The following ACOX3 variants were observed in gnomAD, a reference collection of about 807,000 sequenced individuals.
ACOX3 encodes the protein acyl-CoA oxidase 3, pristanoyl, also known as peroxisomal acyl-coenzyme A oxidase 3.
ACOX3 carries 73 observed loss-of-function variants against 81.5 expected under a neutral mutation model. The observed-to-expected ratio is 0.90, with a 90% confidence interval of 0.74 to 1.09. The LOEUF is 1.09. Among genes scored for constraint, ACOX3 ranks in the 50% least tolerant of loss-of-function variants. The pLI is 0.00. For missense variants in ACOX3, 947 were observed against 928.0 expected (o/e 1.02, Z -0.27); for synonymous variants, 387 against 375.1 (o/e 1.03, Z -0.37).
In ACOX3 at chr4:8,400,998, T is replaced by C. The variant is rs930003697; in HGVS notation, c.777-1346A>G. ...GTTTTCCTGCAACTAGATGGTCCCA[T>C]CTGGGGGTGATGGGAGGCAGTGACA... is the stretch of plus-strand genomic sequence containing the variant. On this transcript the variant is annotated intron_variant, in intron 7 of 17. Transcript: ENST00000356406. The surrounding 1 kb of genome is among the most constrained non-coding windows in gnomAD (Gnocchi z 4.4). 6.6e-6 allele frequency among the ~76,000 whole-genome samples: 1 copy of C among 151,890 alleles called. No homozygotes were observed. The highest frequency in any genetic ancestry group is 6.6e-5 in the Admixed American group (1 of 15,220).
rs1718214696 is a variant in ACOX3, at chr4:8,385,648, A to C, written c.1537+3525T>G. On this transcript the variant is annotated intron_variant, in intron 13 of 17. Coordinates refer to ENST00000356406, the MANE Select transcript of ACOX3 (RefSeq NM_003501.3). The surrounding 1 kb of genome is among the most constrained non-coding windows in gnomAD (Gnocchi z 5.5). Reference sequence around the variant, plus strand: ...ACAGAAAACCCAGCCTCCCCTACCCAAGTCAGAATCGAACCCCTGAAGGAC... The same window carrying C: ...ACAGAAAACCCAGCCTCCCCTACCCCAGTCAGAATCGAACCCCTGAAGGAC... Among the ~76,000 whole-genome samples the C allele has an allele frequency of 6.6e-6, 1 of 152,186 alleles. No homozygotes were observed. The highest frequency in any genetic ancestry group is 2.4e-5 in the African/African-American group (1 of 41,452).
chr4:8,414,777 ATCT>A lies in ACOX3; in HGVS notation c.453+74_453+76del. 6.8e-7 allele frequency: 1 copy of A among 1,481,276 alleles called. No individual in the cohort carries two copies. The highest frequency in any genetic ancestry group is 9.4e-7 in the Non-Finnish European group (1 of 1,060,068). 91.8% of individuals were successfully genotyped at this position (1,481,276 alleles called of 1,614,324 possible). The stretch of plus-strand genomic sequence containing the variant: ...AGCCCCCTGGGCACCCCCTTCTACA[ATCT>A]TCTCTTTTCACAAATCTCTACAGAG... On this transcript the variant is annotated intron_variant, in intron 4 of 17. Transcript: ENST00000356406. This position sits in a 1 kb window ranked among gnomAD's most constrained non-coding sequence, Gnocchi z 6.1.
intron 1 of ACOX3, chr4:8,428,231 C>A (rs1723696037): frequency 6.6e-6 from 1 of 152,404 alleles, no homozygotes; most frequent in African/African-American, 2.4e-5. Flanking sequence ...GCCCCCACAC[C>A]CCCGGGCCTG....
Position 8,380,253 on chromosome 4 carries a change from G to A in ACOX3, c.1653+1239C>T, listed in dbSNP as rs374815975. ...CACCCAAGCTGGAGTGCAGTGGTGCGATCTCGGCTCTCTGCAACCTCCACC... is the reference window on the plus strand; with the variant it reads ...CACCCAAGCTGGAGTGCAGTGGTGCAATCTCGGCTCTCTGCAACCTCCACC... On this transcript the variant is annotated intron_variant, in intron 14 of 17. Coordinates refer to ENST00000356406, the MANE Select transcript of ACOX3 (RefSeq NM_003501.3). Among the ~76,000 whole-genome samples, 59 of 148,388 alleles carry A rather than the reference G, an allele frequency of 4.0e-4. No individual in the cohort carries two copies. The East Asian group carries it at 6.9e-3, about 17-fold the overall frequency.
rs1719763975 is a variant in ACOX3, at chr4:8,396,954, G to C, written c.1039C>G (p.Leu347Val). 6.2e-7 allele frequency: 1 copy of C among 1,611,842 alleles called. No individual in the cohort carries two copies. The highest frequency in any genetic ancestry group is 8.5e-7 in the Non-Finnish European group (1 of 1,179,330). The change falls in exon 9 of 18, where the codon CTT becomes GTT. Residue 347 changes from leucine (L) to valine (V), a missense_variant. By Grantham distance (32) the Leu-to-Val change is conservative. Coordinates refer to ENST00000356406, the MANE Select transcript of ACOX3 (RefSeq NM_003501.3). ...GPTEEEEIPV[L>V]EYPMQQWRLL... ...CCTCATACCTGCATTGGATACTCAA[G>C]CACTGGTATTTCCTCCTCCTCTGTG...
chr4:8,402,809 G>C (rs1179402878), intron 7 of ACOX3, among the ~76,000 whole-genome samples: 2 of 152,182 alleles, frequency 1.3e-5, no homozygotes, highest in Non-Finnish European at 2.9e-5. Context: ...GTGTGGCACA[G>C]AAACCCTCAC....
At chr4:8,374,702 C>T (rs1716695156) in intron 15 of ACOX3, 1 of 355,658 alleles carries the variant, frequency 2.8e-6, no homozygotes. Flanking sequence ...TCTGCAGAGC[C>T]CGGCAGGCTG....
chr4:8,377,400 C>T (rs1017346807), intron 14 of ACOX3, among the ~76,000 whole-genome samples: 5 of 152,258 alleles, frequency 3.3e-5, no homozygotes, highest in Non-Finnish European at 7.3e-5. Flanking sequence ...CTCCTGGAAC[C>T]TTGCTGCTGT....
In ACOX3 at chr4:8,402,198, C is replaced by T. The variant is rs146044408; in HGVS notation, c.777-2546G>A. Among the ~76,000 whole-genome samples the T allele has an allele frequency of 4.0e-3, 604 of 152,322 alleles. 4 individuals carry two copies. Among genetic ancestry groups the T allele is most frequent in the African/African-American group, 0.014 (579 of 41,580 alleles). ...ACCAGGAGGAGCAAGGCCCTGGGGCCGGGTGGGGACGGGGCTGGAGCTCCT... is the reference window on the plus strand; with the variant it reads ...ACCAGGAGGAGCAAGGCCCTGGGGCTGGGTGGGGACGGGGCTGGAGCTCCT... On this transcript the variant is annotated intron_variant, in intron 7 of 17. Transcript: ENST00000356406.
intron 1 of ACOX3, among the ~76,000 whole-genome samples, chr4:8,417,517 C>T (rs1285586503): frequency 6.6e-6 from 1 of 152,224 alleles, no homozygotes; most frequent in African/African-American, 2.4e-5. Context: ...GAAACGGAAG[C>T]TCAGAGAGGC....
chr4:8,379,965 C>T (rs1018739817), intron 14 of ACOX3, among the ~76,000 whole-genome samples: 2 of 151,798 alleles, frequency 1.3e-5, no homozygotes, highest in African/African-American at 2.4e-5. Context: ...CACCTTAACG[C>T]AAGGATGTGG....
At chr4:8,365,035 C>CCA (rs942067811), downstream of ACOX3, among the ~76,000 whole-genome samples, 1 of 152,084 alleles carries the variant, frequency 6.6e-6, no homozygotes, top group African/African-American at 2.4e-5. Flanking sequence ...AAGGAGCCGT[C>CCA]CACACACACA....
rs1261792834 is a variant in ACOX3 at position 8,423,646 on chromosome 4, T to C, written c.-14-7111A>G. On this transcript the variant is annotated intron_variant, in intron 1 of 17. Coordinates refer to ENST00000356406, the MANE Select transcript of ACOX3 (RefSeq NM_003501.3). This position sits in a 1 kb window ranked among gnomAD's most constrained non-coding sequence, Gnocchi z 4.2. ...TATCAATGAGGCTGTTGTTCCTCTA[T>C]ACCCAGCTGTACCTAATCTTATACT... Among the ~76,000 whole-genome samples the C allele has an allele frequency of 6.6e-6, 1 of 152,216 alleles. No individual in the cohort carries two copies. The highest frequency in any genetic ancestry group is 6.5e-5 in the Admixed American group (1 of 15,282).
Position 8,407,508 on chromosome 4 carries a change from G to A in ACOX3, c.688-1465C>T, listed in dbSNP as rs947926193. 3.3e-5 allele frequency among the ~76,000 whole-genome samples: 5 copies of A among 152,168 alleles called. No homozygotes were observed. Among genetic ancestry groups the A allele is most frequent in the African/African-American group, 7.2e-5 (3 of 41,442 alleles). On this transcript the variant is annotated intron_variant, in intron 6 of 17. Transcript: ENST00000356406. The surrounding 1 kb of genome is among the most constrained non-coding windows in gnomAD (Gnocchi z 4.6). Reference sequence around the variant, plus strand: ...TAAAGATTCCTCAATTTCAGACCCCGGCCTCCAGAGTTGGGAGAATACGTT... The same window carrying A: ...TAAAGATTCCTCAATTTCAGACCCCAGCCTCCAGAGTTGGGAGAATACGTT...
At position 8,423,123 on chromosome 4, in the gene ACOX3, C is replaced by T. The variant is rs144967270; in HGVS notation, c.-14-6588G>A. ...GTCTTAGTCTCTGGTCCTGGACAAC[C>T]GTCCTCCAGATCTGTCACTACCCGA... On this transcript the variant is annotated intron_variant, in intron 1 of 17. Transcript: ENST00000356406. The surrounding 1 kb of genome is among the most constrained non-coding windows in gnomAD (Gnocchi z 4.2). 4.2e-3 allele frequency among the ~76,000 whole-genome samples: 633 copies of T among 152,236 alleles called. 4 individuals carry two copies. The highest frequency in any genetic ancestry group is 0.014 in the African/African-American group (590 of 41,524).
Position 8,384,393 on chromosome 4 carries a change from A to G in ACOX3, c.1538-2786T>C, listed in dbSNP as rs1368096889. ...TTCAGAGTTAATGTGGAAGTGAAAA[A>G]GTATCGCTGAAACAAACTAGGCAGG... On this transcript the variant is annotated intron_variant, in intron 13 of 17. Coordinates refer to ENST00000356406, the MANE Select transcript of ACOX3 (RefSeq NM_003501.3). The surrounding 1 kb of genome is among the most constrained non-coding windows in gnomAD (Gnocchi z 5.3). Among the ~76,000 whole-genome samples, 1 of 152,240 alleles carries G rather than the reference A, an allele frequency of 6.6e-6. No individual in the cohort carries two copies. Among genetic ancestry groups the G allele is most frequent in the Non-Finnish European group, 1.5e-5 (1 of 68,044 alleles).
intron 6 of ACOX3, among the ~76,000 whole-genome samples, chr4:8,408,579 C>T (rs769273477): frequency 2.0e-4 from 31 of 152,182 alleles, no homozygotes; most frequent in Middle Eastern, 3.2e-3. Flanking sequence ...AGGCAACTCC[C>T]GCAAGAAGTC....
chr4:8,358,880 CT>C, the ACOX3 span, among the ~76,000 whole-genome samples: 3 of 152,104 alleles, frequency 2.0e-5, no homozygotes, highest in Admixed American at 6.5e-5. Flanking sequence ...ATGGGTAGCC[CT>C]TTTTTTATTC....
In ACOX3 at chr4:8,389,686, T is replaced by C. The variant is rs1483895526; in HGVS notation, c.1349A>G (p.Tyr450Cys). 5 of 1,614,032 alleles carry C rather than the reference T, an allele frequency of 3.1e-6. No homozygotes were observed. Among genetic ancestry groups the C allele is most frequent in the Non-Finnish European group, 4.2e-6 (5 of 1,180,024 alleles). The change falls in exon 12 of 18, where the codon TAC becomes TGC. Residue 450 changes from tyrosine (Y) to cysteine (C), a missense_variant. Physicochemically the swap from Tyr to Cys is radical, Grantham distance 194. Transcript: ENST00000356406. The surrounding 1 kb of genome is among the most constrained non-coding windows in gnomAD (Gnocchi z 5.3). ...LRDDNDPNCT[Y>C]EGDNNILLQQ... ...CAGCAGGATGTTGTTGTCACCTTCG[T>C]ATGTGCAGTTGGGATCGTTGTCATC...
Sources: allele counts gnomAD v4.1 joint callset (sites outside exome capture counted in the v4.1 genomes callset), GRCh38; gene constraint gnomAD v4.1.1; non-coding constraint Gnocchi (gnomAD v3.1); transcripts MANE v1.5; gene names NCBI Gene and HGNC (gene_info 2026-07-23, HGNC 2026-07-21).